The following STK33 variants were observed in gnomAD, a reference collection of about 807,000 sequenced individuals.
The protein encoded by STK33 is serine/threonine kinase 33, also known as serine/threonine-protein kinase 33.
In STK33, 52 loss-of-function variants were observed where a neutral mutation model predicts 58.0. That is an observed-to-expected ratio of 0.90 (90% CI 0.72 to 1.13). STK33 has a LOEUF of 1.13. Among genes scored for constraint, STK33 ranks in the 50% most tolerant of loss-of-function variants. The pLI is 0.00. For missense variants in STK33, 630 were observed against 604.2 expected, an observed-to-expected ratio of 1.04 and a Z score of -0.45; for synonymous variants, 215 against 200.1, an observed-to-expected ratio of 1.07 and a Z score of -0.63.
chr11:8,587,990 G>C (rs1396586333), intron 1 of STK33, among the ~76,000 whole-genome samples: 1 of 152,160 alleles, frequency 6.6e-6, no homozygotes, highest in Non-Finnish European at 1.5e-5. Context: ...AGAAGTCCAA[G>C]ACCAGGACAC....
At chr11:8,369,015 G>A in the STK33 span, among the ~76,000 whole-genome samples, 1 of 152,182 alleles carries the variant, frequency 6.6e-6, no homozygotes, top group Non-Finnish European at 1.5e-5. Context: ...AGGGGACAGA[G>A]AGAGCTACTG....
At chr11:8,503,762 C>T (rs960881833) in intron 1 of STK33, among the ~76,000 whole-genome samples, 3 of 152,160 alleles carry the variant, frequency 2.0e-5, no homozygotes, top group Admixed American at 6.5e-5. Context: ...CTTCATTTCT[C>T]CCAGTCTACA....
chr11:8,554,558 A>C (rs1956595551), intron 1 of STK33, among the ~76,000 whole-genome samples: 1 of 152,138 alleles, frequency 6.6e-6, no homozygotes, highest in Admixed American at 6.6e-5. Context: ...CTATGAGATG[A>C]TATCACCTCA....
At chr11:8,551,894 C>A (rs887061889) in intron 1 of STK33, among the ~76,000 whole-genome samples, 1 of 152,146 alleles carries the variant, frequency 6.6e-6, no homozygotes, top group African/African-American at 2.4e-5. Flanking sequence ...ATGAACTGTA[C>A]CCCTTGCAGC....
the STK33 span, among the ~76,000 whole-genome samples, chr11:8,367,319 G>A: frequency 6.6e-6 from 1 of 152,248 alleles, no homozygotes; most frequent in East Asian, 1.9e-4. Flanking sequence ...TGAGTGCGTG[G>A]GTATACATTG....
At chr11:8,366,606 G>A in the STK33 span, among the ~76,000 whole-genome samples, 1 of 152,184 alleles carries the variant, frequency 6.6e-6, no homozygotes, top group Non-Finnish European at 1.5e-5. Flanking sequence ...TGTGCTCTGC[G>A]AGGAATCCAG....
chr11:8,400,842 C>T (rs1490355178), intron 15 of STK33, among the ~76,000 whole-genome samples: 7 of 152,150 alleles, frequency 4.6e-5, no homozygotes, highest in African/African-American at 7.2e-5. Flanking sequence ...AAACAGAGAG[C>T]CAAATCATGA....
chr11:8,427,261 C>A (rs530267205), intron 14 of STK33, among the ~76,000 whole-genome samples: 7 of 152,182 alleles, frequency 4.6e-5, no homozygotes, highest in South Asian at 2.1e-4. Flanking sequence ...CTTTAAAGTT[C>A]TTTTTCCCTT....
At chr11:8,435,989 A>C (rs759127750) in intron 13 of STK33, 38 bp downstream of exon 13, 19 of 1,240,638 alleles carry the variant, frequency 1.5e-5, no homozygotes, top group Non-Finnish European at 2.0e-5. Flanking sequence ...TATGTTACTT[A>C]TATTAGCTTT....
intron 1 of STK33, among the ~76,000 whole-genome samples, chr11:8,522,394 T>G (rs1159790129): frequency 6.6e-6 from 1 of 151,860 alleles, no homozygotes; most frequent in African/African-American, 2.4e-5. Flanking sequence ...AAACACCGCA[T>G]GTTCTCCCTC....
the STK33 span, among the ~76,000 whole-genome samples, chr11:8,360,378 G>A: frequency 6.6e-6 from 1 of 152,210 alleles, no homozygotes; most frequent in Admixed American, 6.5e-5. Flanking sequence ...AGCACGAGAG[G>A]CTAGGCAGAA....
chr11:8,590,315 C>T (rs1020147266), intron 1 of STK33, among the ~76,000 whole-genome samples: 1 of 152,050 alleles, frequency 6.6e-6, no homozygotes, highest in Admixed American at 6.5e-5. Context: ...TAAAAGTAAA[C>T]ATATAATACA....
intron 1 of STK33, among the ~76,000 whole-genome samples, chr11:8,550,744 T>A (rs1265812074): frequency 1.3e-5 from 2 of 152,192 alleles, no homozygotes; most frequent in African/African-American, 4.8e-5. Flanking sequence ...GGCTTTGTTG[T>A]CCATATCACC....
chr11:8,401,764 A>G (rs1938023083), intron 15 of STK33, among the ~76,000 whole-genome samples: 1 of 152,244 alleles, frequency 6.6e-6, no homozygotes, highest in South Asian at 2.1e-4. Context: ...GAATTCAAAC[A>G]AATTTACAAG....
chr11:8,541,731 A>ACTT (rs1955534957), intron 1 of STK33, among the ~76,000 whole-genome samples: 1 of 151,920 alleles, frequency 6.6e-6, no homozygotes, highest in African/African-American at 2.4e-5. Context: ...CCTTCAAAAG[A>ACTT]CTTAAATTGT....
At position 8,446,007 on chromosome 11, in the gene STK33, C is replaced by A. The variant is rs955599817; in HGVS notation, c.872-5254G>T. ...AATTCGGCTGTGAATCGGTCTGGTCCTGGGCTTTTTTTGGTTGGTAGGATA... is the reference window on the plus strand; with the variant it reads ...AATTCGGCTGTGAATCGGTCTGGTCATGGGCTTTTTTTGGTTGGTAGGATA... On this transcript the variant is annotated intron_variant, in intron 11 of 15. Transcript: ENST00000687296. Among the ~76,000 whole-genome samples the A allele has an allele frequency of 2.6e-5, 4 of 151,228 alleles. No homozygotes were observed. The South Asian group carries it at 6.2e-4, about 24-fold the overall frequency.
At chr11:8,442,889 T>C (rs1454882359) in intron 11 of STK33, among the ~76,000 whole-genome samples, 1 of 152,154 alleles carries the variant, frequency 6.6e-6, no homozygotes, top group African/African-American at 2.4e-5. Flanking sequence ...TATGATTCAA[T>C]TTATATAAAC....
chr11:8,396,642 C>T (rs1313534166), intron 15 of STK33, among the ~76,000 whole-genome samples: 6 of 152,154 alleles, frequency 3.9e-5, no homozygotes, highest in South Asian at 2.1e-4. Context: ...GCGCACCGAA[C>T]GTGAGCCGAA....
At chr11:8,335,419 C>T in the STK33 span, among the ~76,000 whole-genome samples, 28 of 152,308 alleles carry the variant, frequency 1.8e-4, no homozygotes, top group Non-Finnish European at 4.0e-4. Context: ...AGGACAATGG[C>T]CATTGGCTCC....
Sources: gnomAD v4.1 joint callset for allele counts (sites outside exome capture counted in the v4.1 genomes callset) on GRCh38, gnomAD v4.1.1 for gene constraint, MANE v1.5 for transcripts, NCBI Gene and HGNC (gene_info 2026-07-23, HGNC 2026-07-21) for gene names.